TXNRD2: variants seen among roughly 807,000 people sequenced by gnomAD.
TXNRD2 encodes thioredoxin reductase 2.
In TXNRD2, 67 loss-of-function variants were observed where a neutral mutation model predicts 70.8. That is an observed-to-expected ratio of 0.95 (90% confidence interval 0.78 to 1.16). The LOEUF (loss-of-function observed/expected upper bound fraction) is 1.16, where lower values mean the gene tolerates loss of function less well. Ranked by LOEUF, TXNRD2 falls within the 50% of genes most tolerant of loss-of-function variation. The pLI is 0.00. For synonymous variants in TXNRD2, 301 were observed against 295.8 expected, an observed-to-expected ratio of 1.02 and a Z score of -0.18; for missense variants, 644 against 719.9, an observed-to-expected ratio of 0.89 and a Z score of 1.21.
intron 11 of TXNRD2, among the ~76,000 whole-genome samples, chr22:19,884,800 C>G (rs901231908): frequency 6.6e-6 from 1 of 152,194 alleles, no homozygotes; most frequent in Non-Finnish European, 1.5e-5. Context: ...AGCAAGCCCC[C>G]GTAACCCGCT....
At chr22:19,890,925 C>T (rs1402339616) in intron 11 of TXNRD2, among the ~76,000 whole-genome samples, 3 of 152,110 alleles carry the variant, frequency 2.0e-5, no homozygotes, top group Admixed American at 2.0e-4. Flanking sequence ...CTGGGCACCG[C>T]CAGCCCCCAT....
chr22:19,932,410 C>T, intron 1 of TXNRD2: 1 of 1,612,614 alleles, frequency 6.2e-7, no homozygotes. Context: ...GCCTTTTTAG[C>T]CTGCAAAAGG....
At chr22:19,937,919 C>T (rs960643126) in intron 1 of TXNRD2, 1 of 152,248 alleles carries the variant, frequency 6.6e-6, no homozygotes. Flanking sequence ...CGGACTCAGA[C>T]CAATGTTGTG....
In TXNRD2 at chr22:19,880,960, C is replaced by T. The variant is rs113856303; in HGVS notation, c.1087-243G>A. 680 of 589,926 alleles carry T rather than the reference C, an allele frequency of 1.2e-3. 2 individuals are homozygous for T. Among genetic ancestry groups the T allele is most frequent in the African/African-American group, 0.011 (583 of 53,836 alleles). 36.5% of individuals were successfully genotyped at this position (589,926 alleles called of 1,614,324 possible). ...TCCACTCTGCCCTGGGAAAGGAGTC[C>T]GCTGCTGATGAGGCTGGCCGTGCCA... On this transcript the variant is annotated intron_variant, in intron 12 of 17. Coordinates refer to ENST00000400521, the MANE Select transcript of TXNRD2 (RefSeq NM_006440.5).
chr22:19,895,534 C>T lies in TXNRD2; in HGVS notation c.822G>A (p.Arg274=), dbSNP rs1336405554. Residue 274 remains arginine, a synonymous_variant, in exon 11 of 18, where the codon CGG becomes CGA. Transcript: ENST00000400521. ...GCGAGGGGGCACAGCCCCTCAGGAA[C>T]CGGGTGCCATGAGATGCCATGTGCT... ...VIEHMASHGT[R]FLRGCAPSRV... is the part of the protein sequence containing the mutation. The T allele has an allele frequency of 6.2e-6, 10 of 1,613,506 alleles. No homozygotes were observed. Among genetic ancestry groups the T allele is most frequent in the Non-Finnish European group, 7.6e-6 (9 of 1,180,050 alleles).
chr22:19,882,513 C>G (rs8141451), intron 12 of TXNRD2, among the ~76,000 whole-genome samples: 40,643 of 152,074 alleles, frequency 0.27, 8,018 homozygotes, highest in African/African-American at 0.55. Context: ...CTGACACTTT[C>G]ATTTCAGACT....
rs1295221632 is a variant in TXNRD2, at chr22:19,898,064, C to T, written c.749G>A (p.Ser250Asn). 3.2e-6 allele frequency: 5 copies of T among 1,561,982 alleles called. No homozygotes were observed. Among genetic ancestry groups the T allele is most frequent in the Admixed American group, 1.9e-5 (1 of 52,534 alleles). The change falls in exon 10 of 18, where the codon AGC becomes AAC. Residue 250 changes from serine (S) to asparagine (N), a missense_variant. Physicochemically the swap from Ser to Asn is conservative, Grantham distance 46 (BLOSUM62 1). Around this residue, in one of 3 missense-constraint regions of TXNRD2, gnomAD observed 566 missense variants for 645.0 expected, o/e 0.88. Coordinates refer to ENST00000400521, the MANE Select transcript of TXNRD2 (RefSeq NM_006440.5). ...CTGGTCGAAGCCGCGGAGGGGGATG[C>T]TGCGCATCATGATGGTGGTGTCCAG... ...IGLDTTIMMR[S>N]IPLRGFDQQM...
At chr22:19,935,788 C>T (rs576497263) in intron 1 of TXNRD2, among the ~76,000 whole-genome samples, 24 of 152,236 alleles carry the variant, frequency 1.6e-4, no homozygotes, top group Admixed American at 3.3e-4. Flanking sequence ...TGGCGCCCAA[C>T]GTGGTTTTCT....
At chr22:19,908,851 G>A (rs2146011807) in intron 8 of TXNRD2, among the ~76,000 whole-genome samples, 1 of 152,344 alleles carries the variant, frequency 6.6e-6, no homozygotes, top group Middle Eastern at 3.4e-3. Flanking sequence ...GACATGGATA[G>A]TGGTGATGGT....
chr22:19,911,440 C>G lies in TXNRD2; in HGVS notation c.599G>C (p.Gly200Ala), dbSNP rs112854076. 1.9e-6 allele frequency: 3 copies of G among 1,613,696 alleles called. No individual in the cohort carries two copies. The East Asian group carries it at 6.7e-5, about 36-fold the overall frequency. The change falls in exon 8 of 18, where the codon GGT becomes GCT. Residue 200 changes from glycine (G) to alanine (A), a missense_variant. Gly to Ala is a moderately conservative substitution (Grantham distance 60, BLOSUM62 0). This residue lies in a region of TXNRD2 where 566 missense variants were observed against 645.0 expected (regional missense o/e 0.88). Coordinates refer to ENST00000400521, the MANE Select transcript of TXNRD2 (RefSeq NM_006440.5). ...ACTTGTGATTCCATATTCCAAGGCA[C>G]CTTCGATCTGTCAAGACAGAAATGA... ...GRPRYPTHIE[G>A]ALEYGITSDD...
rs146144857 is a variant in TXNRD2, at chr22:19,927,428, C to T, written c.172+3602G>A. Among the ~76,000 whole-genome samples, 150 of 151,894 alleles carry T rather than the reference C, an allele frequency of 9.9e-4. 2 individuals are homozygous for T. Among genetic ancestry groups the T allele is most frequent in the African/African-American group, 3.2e-3 (134 of 41,436 alleles). On this transcript the variant is annotated intron_variant, in intron 2 of 17. Transcript: ENST00000400521. Reference sequence around the variant, plus strand: ...CAGCACTTTGGGAGGCTGAGGCAGACGGATCACTTGAGCTCAGGAATTCAA... The same window carrying T: ...CAGCACTTTGGGAGGCTGAGGCAGATGGATCACTTGAGCTCAGGAATTCAA...
chr22:19,918,562 G>A (rs1408517468), intron 4 of TXNRD2, among the ~76,000 whole-genome samples: 1 of 152,038 alleles, frequency 6.6e-6, no homozygotes, highest in Non-Finnish European at 1.5e-5. Context: ...CAGCTGAAGC[G>A]GCCTCCCACC....
rs1939440016 is a variant in TXNRD2, at chr22:19,895,128, C to A, written c.949+279G>T. 1.9e-6 allele frequency: 3 copies of A among 1,598,308 alleles called. No homozygotes were observed. The African/African-American group carries it at 4.0e-5, about 21-fold the overall frequency. On this transcript the variant is annotated intron_variant, in intron 11 of 17. Transcript: ENST00000400521. The stretch of plus-strand genomic sequence containing the variant: ...CCTCGATGAGGACACCTGGCTGATG[C>A]CGTCTCAGTCTCTTCTCTGGTTTTT...
rs116054286 is a variant in TXNRD2 at position 19,915,282 on chromosome 22, G to A, written c.529-6C>T. On this transcript the variant is annotated splice_polypyrimidine_tract_variant and splice_region_variant and intron_variant, in intron 6 of 17. Coordinates refer to ENST00000400521, the MANE Select transcript of TXNRD2 (RefSeq NM_006440.5). ...TGATCGGCTGACAGCAGAATCTGAGGAGAAAAAGAGAAAGCCGTGGGTCAG... is the reference window on the plus strand; with the variant it reads ...TGATCGGCTGACAGCAGAATCTGAGAAGAAAAAGAGAAAGCCGTGGGTCAG... 1,471 of 1,612,912 alleles carry A rather than the reference G, an allele frequency of 9.1e-4. 14 individuals carry two copies. The African/African-American group carries it at 0.018, about 20-fold the overall frequency.
At chr22:19,881,402 C>T (rs1468180812) in intron 12 of TXNRD2, 1 of 257,116 alleles carries the variant, frequency 3.9e-6, no homozygotes, top group East Asian at 6.9e-5. Flanking sequence ...AACATCCCGG[C>T]GGGCGGCGCA....
chr22:19,929,076 C>T (rs942834910), intron 2 of TXNRD2, among the ~76,000 whole-genome samples: 3 of 151,196 alleles, frequency 2.0e-5, no homozygotes, highest in Non-Finnish European at 4.4e-5. Context: ...GCCTGTAATC[C>T]CAGCACTTTG....
At chr22:19,883,791 T>C (rs898170013) in intron 11 of TXNRD2, 1 of 354,532 alleles carries the variant, frequency 2.8e-6, no homozygotes, top group African/African-American at 2.1e-5. Flanking sequence ...CCATCTCTAC[T>C]AAAAATACAA....
In TXNRD2 at chr22:19,899,636, T is replaced by C. The variant is rs140773140; in HGVS notation, c.663-568A>G. 4.9e-3 allele frequency among the ~76,000 whole-genome samples: 743 copies of C among 152,302 alleles called. 11 individuals are homozygous for C. The highest frequency in any genetic ancestry group is 0.017 in the African/African-American group (714 of 41,558). On this transcript the variant is annotated intron_variant, in intron 8 of 17. Transcript: ENST00000400521. ...ACAGGACACTGCGACCAGCAGTCAT[T>C]GGAAATATTTGCTCTTGTAGTGAAA...
intron 2 of TXNRD2, among the ~76,000 whole-genome samples, chr22:19,923,888 T>C (rs1419270531): frequency 7.3e-6 from 1 of 137,858 alleles, no homozygotes; most frequent in African/African-American, 2.7e-5. Context: ...GACTTCTGAC[T>C]GGTACAACTG....
Sources: allele counts gnomAD v4.1 joint callset (sites outside exome capture counted in the v4.1 genomes callset), GRCh38; gene constraint gnomAD v4.1.1; regional missense constraint gnomAD v4.1.1; transcripts MANE v1.5; gene names NCBI Gene and HGNC (gene_info 2026-07-23, HGNC 2026-07-21).